Variants in UBAP2 observed in about 807,000 individuals in gnomAD.
The protein encoded by UBAP2 is ubiquitin-associated protein 2.
A neutral mutation model predicts 139.6 loss-of-function variants in UBAP2; 75 were observed. That is an observed-to-expected ratio of 0.54 (90% confidence interval 0.45 to 0.65). The LOEUF (loss-of-function observed/expected upper bound fraction) is 0.65. Among genes scored for constraint, UBAP2 ranks in the 30% least tolerant of loss-of-function variants. UBAP2 has a pLI of 0.00. For synonymous variants in UBAP2, 526 were observed against 526.2 expected (o/e 1.00, Z 0.01); for missense variants, 1,368 against 1,369.6 (o/e 1.00, Z 0.02).
chr9:33,998,660 TAC>T (rs1822408944), intron 3 of UBAP2, 125 bp downstream of exon 3: 1 of 772,054 alleles, frequency 1.3e-6, no homozygotes, highest in Non-Finnish European at 2.0e-6. Flanking sequence ...AAATCCAATA[TAC>T]AGATTTCAGG....
rs571014698 is a variant in UBAP2, at chr9:33,922,551, G to A, written c.3313C>T (p.Gln1105Ter). Residue 1105 changes from glutamine (Q) to a stop codon, truncating the protein, a stop_gained, in exon 29 of 29, where the codon CAA (glutamine) becomes TAA (stop). Coordinates refer to ENST00000379238, the MANE Select transcript of UBAP2 (RefSeq NM_001370062.2). LOFTEE classifies it high-confidence loss of function. ...SQPSSLQPKSQASKPAYGNSP... is the reference protein window; with the variant it reads ...SQPSSLQPKS ...TTGCCGTAGGCAGGTTTGGAGGCTT[G>A]AGACTTGGGCTGCAGGGAGCTGGGC... is the stretch of plus-strand genomic sequence containing the variant. 1 of 1,613,890 alleles carries A rather than the reference G, an allele frequency of 6.2e-7. No individual in the cohort carries two copies. Among genetic ancestry groups the A allele is most frequent in the South Asian group, 1.1e-5 (1 of 91,060 alleles).
chr9:34,007,594 T>C (rs1823335933), intron 2 of UBAP2, among the ~76,000 whole-genome samples: 1 of 152,096 alleles, frequency 6.6e-6, no homozygotes, highest in Non-Finnish European at 1.5e-5. Context: ...ACATACATTT[T>C]TCAGCGTTTA....
chr9:34,030,048 C>T (rs149804576), intron 1 of UBAP2, among the ~76,000 whole-genome samples: 1 of 151,980 alleles, frequency 6.6e-6, no homozygotes, highest in Non-Finnish European at 1.5e-5. Context: ...CGCCTGTAAT[C>T]CCAACACTTT....
At chr9:33,957,105 G>A (rs1249023024) in intron 10 of UBAP2, among the ~76,000 whole-genome samples, 3 of 151,430 alleles carry the variant, frequency 2.0e-5, no homozygotes, top group African/African-American at 7.3e-5. Flanking sequence ...AAAAAAAGAA[G>A]AAGTCATTAA....
At chr9:33,996,141 AC>A in intron 4 of UBAP2, 81 bp downstream of exon 4, 2 of 1,029,934 alleles carry the variant, frequency 1.9e-6, no homozygotes, top group Non-Finnish European at 1.5e-6. Flanking sequence ...TTCCATCCCT[AC>A]CCCCAAACAA....
At chr9:34,040,672 A>G (rs1446253009) in intron 1 of UBAP2, among the ~76,000 whole-genome samples, 2 of 152,212 alleles carry the variant, frequency 1.3e-5, no homozygotes, top group African/African-American at 4.8e-5. Flanking sequence ...ATCCCACTAC[A>G]ATTGGCTAAA....
chr9:33,941,892 T>C (rs779795204), intron 15 of UBAP2, 30 bp from the exon 16 acceptor site: 3 of 1,556,092 alleles, frequency 1.9e-6, no homozygotes, highest in Non-Finnish European at 2.6e-6. Flanking sequence ...TTCAACATAA[T>C]TTTGTTACTT....
At position 33,955,537 on chromosome 9, in the gene UBAP2, C is replaced by CA. The variant is rs1193402437; in HGVS notation, c.866+541dup. On this transcript the variant is annotated intron_variant, in intron 11 of 28. Coordinates refer to ENST00000379238, the MANE Select transcript of UBAP2 (RefSeq NM_001370062.2). Reference sequence around the variant, plus strand: ...TCCGTCTCAAAAAAACAAAACAAAACAAAAAAAAGGGCCAGGTGTGGTGGC... The same window carrying CA: ...TCCGTCTCAAAAAAACAAAACAAAACAAAAAAAAAGGGCCAGGTGTGGTGGC... Among the ~76,000 whole-genome samples the CA allele has an allele frequency of 8.5e-5, 12 of 140,630 alleles. No individual in the cohort carries two copies. In the South Asian group the frequency reaches 1.4e-3, roughly 16 times the overall value. 92.3% of individuals were successfully genotyped at this position (140,630 alleles called of 152,430 possible).
intron 8 of UBAP2, 143 bp downstream of exon 8, chr9:33,971,508 A>C: frequency 1.7e-6 from 1 of 597,906 alleles, no homozygotes; most frequent in Non-Finnish European, 3.0e-6. Context: ...AGAACCAACT[A>C]AGAATAGTTT....
At position 34,030,304 on chromosome 9, in the gene UBAP2, C is replaced by T. The variant is rs144231292; in HGVS notation, c.-41-13115G>A. On this transcript the variant is annotated intron_variant, in intron 1 of 28. Coordinates refer to ENST00000379238, the MANE Select transcript of UBAP2 (RefSeq NM_001370062.2). ...ACTAAAAATACAAAAACAAAATTAG[C>T]CAGGCGTGGTGGCGGGCACCTGTAG... 6.0e-3 allele frequency among the ~76,000 whole-genome samples: 907 copies of T among 151,780 alleles called. 6 individuals are homozygous for T. Among genetic ancestry groups the T allele is most frequent in the African/African-American group, 0.021 (858 of 41,384 alleles).
intron 1 of UBAP2, among the ~76,000 whole-genome samples, chr9:34,041,980 G>A (rs896184374): frequency 3.3e-5 from 5 of 151,824 alleles, no homozygotes; most frequent in East Asian, 1.9e-4. Context: ...AGCCAGGATC[G>A]AGCCACTGCA....
intron 12 of UBAP2, among the ~76,000 whole-genome samples, chr9:33,952,121 G>C (rs140352022): frequency 1.3e-5 from 2 of 152,058 alleles, no homozygotes; most frequent in African/African-American, 4.8e-5. Context: ...GATTTGACTC[G>C]GGAGAAAATT....
intron 8 of UBAP2, among the ~76,000 whole-genome samples, chr9:33,964,044 A>C: frequency 6.6e-6 from 1 of 152,108 alleles, no homozygotes; most frequent in East Asian, 1.9e-4. Context: ...CTCCCTTCTC[A>C]CTCATCAAAG....
Position 34,035,514 on chromosome 9 carries a change from A to AAAAAATATATATATATAT in UBAP2, c.-42+13310_-42+13311insATATATATATATATTTTT. Among the ~76,000 whole-genome samples, 19 of 22,490 alleles carry AAAAAATATATATATATAT rather than the reference A, an allele frequency of 8.4e-4. 2 individuals carry two copies. Among genetic ancestry groups the AAAAAATATATATATATAT allele is most frequent in the Non-Finnish European group, 1.3e-3 (13 of 10,252 alleles). The allele number at this position is 22,490 out of a possible 152,430, so 14.8% of individuals were successfully genotyped here. The stretch of plus-strand genomic sequence containing the variant: ...GAGACTCCATCTAAAAAAAAAAAAA[A>AAAAAATATATATATATAT]ATATATATATATAAAGATTAGCCAG... On this transcript the variant is annotated intron_variant, in intron 1 of 28. Transcript: ENST00000379238.
At chr9:33,977,121 C>A (rs1820200356) in intron 6 of UBAP2, among the ~76,000 whole-genome samples, 1 of 151,006 alleles carries the variant, frequency 6.6e-6, no homozygotes, top group Non-Finnish European at 1.5e-5. Context: ...TCACTGCAAC[C>A]TCCACCTCCC....
intron 2 of UBAP2, among the ~76,000 whole-genome samples, chr9:34,003,375 CTTTTT>C (rs34673994): frequency 7.2e-6 from 1 of 138,214 alleles, no homozygotes; most frequent in Non-Finnish European, 1.5e-5. Context: ...TCAAAGATGG[CTTTTT>C]TTTTTTTTTT....
At chr9:33,976,884 T>C (rs1185198962) in intron 6 of UBAP2, among the ~76,000 whole-genome samples, 2 of 151,414 alleles carry the variant, frequency 1.3e-5, no homozygotes, top group African/African-American at 2.4e-5. Flanking sequence ...TGGTGGCGCA[T>C]GCCTGTAATG....
At chr9:34,038,033 G>T (rs1023385433) in intron 1 of UBAP2, among the ~76,000 whole-genome samples, 2 of 150,366 alleles carry the variant, frequency 1.3e-5, no homozygotes, top group African/African-American at 4.9e-5. Context: ...GCTAGGCACG[G>T]TGGCACAAAT....
At chr9:34,032,089 G>A (rs1005238318) in intron 1 of UBAP2, among the ~76,000 whole-genome samples, 16 of 151,680 alleles carry the variant, frequency 1.1e-4, no homozygotes, top group African/African-American at 3.6e-4. Flanking sequence ...AGGCTACAGT[G>A]AGCTATGATC....
Sources: gnomAD v4.1 joint callset for allele counts (sites outside exome capture counted in the v4.1 genomes callset) on GRCh38, gnomAD v4.1.1 for gene constraint, MANE v1.5 for transcripts, NCBI Gene and HGNC (gene_info 2026-07-23, HGNC 2026-07-21) for gene names.